Variants in DCDC1 observed in about 807,000 individuals in gnomAD.
DCDC1 encodes doublecortin domain-containing protein 1.
A neutral mutation model predicts 178.3 loss-of-function variants in DCDC1; 200 were observed. That is an observed-to-expected ratio of 1.12 (90% CI 1.00 to 1.26). The LOEUF (loss-of-function observed/expected upper bound fraction) is 1.26, where lower values mean the gene tolerates loss of function less well. Among genes scored for constraint, DCDC1 ranks in the 50% most tolerant of loss-of-function variants. DCDC1 has a pLI of 0.00. For missense variants in DCDC1, 1,983 were observed against 1,749.2 expected (o/e 1.13, Z -2.38); for synonymous variants, 690 against 604.8 (o/e 1.14, Z -2.07).
chr11:30,917,290 C>T (rs1217294267), intron 25 of DCDC1, among the ~76,000 whole-genome samples: 1 of 152,120 alleles, frequency 6.6e-6, no homozygotes, highest in Non-Finnish European at 1.5e-5. Context: ...AAAAATGGGA[C>T]TATGTATTGT....
At chr11:31,278,217 A>G (rs1565538169) in intron 7 of DCDC1, among the ~76,000 whole-genome samples, 2 of 152,076 alleles carry the variant, frequency 1.3e-5, no homozygotes, top group African/African-American at 4.8e-5. Context: ...TGAACTCTCC[A>G]TTTTGTTTCT....
At chr11:30,961,341 AG>A (rs1949084236) in intron 20 of DCDC1, among the ~76,000 whole-genome samples, 1 of 152,142 alleles carries the variant, frequency 6.6e-6, no homozygotes, top group African/African-American at 2.4e-5. Flanking sequence ...GTTTCCAATA[AG>A]GTAATGAACA....
At chr11:30,902,362 CTTGCTG>C (rs1565049465) in intron 32 of DCDC1, among the ~76,000 whole-genome samples, 1 of 152,130 alleles carries the variant, frequency 6.6e-6, no homozygotes, top group African/African-American at 2.4e-5. Context: ...CTACCAATGC[CTTGCTG>C]TTGGACTTCC....
At chr11:31,302,826 G>A (rs1377163712) in intron 6 of DCDC1, among the ~76,000 whole-genome samples, 1 of 149,268 alleles carries the variant, frequency 6.7e-6, no homozygotes, top group Admixed American at 6.7e-5. Context: ...TAGTAAATCT[G>A]GAAATCGTTC....
intron 24 of DCDC1, among the ~76,000 whole-genome samples, chr11:30,922,273 G>A (rs561734910): frequency 5.9e-5 from 9 of 152,330 alleles, no homozygotes; most frequent in Non-Finnish European, 1.2e-4. Flanking sequence ...AAGAAGGTCA[G>A]ATCTGTTAAT....
chr11:31,344,439 G>T (rs1950711876), intron 1 of DCDC1, among the ~76,000 whole-genome samples: 1 of 152,098 alleles, frequency 6.6e-6, no homozygotes, highest in Admixed American at 6.6e-5. Context: ...GTCCTTAGTG[G>T]TTGAGTCTGG....
At chr11:31,108,978 T>C (rs1331932571) in intron 12 of DCDC1, among the ~76,000 whole-genome samples, 1 of 152,150 alleles carries the variant, frequency 6.6e-6, no homozygotes, top group African/African-American at 2.4e-5. Flanking sequence ...TTGGGTGGTG[T>C]CACAAGGGCT....
chr11:31,326,426 T>C (rs991016031), intron 3 of DCDC1, among the ~76,000 whole-genome samples: 5 of 152,110 alleles, frequency 3.3e-5, no homozygotes, highest in African/African-American at 1.2e-4. Flanking sequence ...AAAAAGTGAA[T>C]GTATCACCAT....
intron 1 of DCDC1, among the ~76,000 whole-genome samples, chr11:31,351,065 CTT>C (rs1334327705): frequency 3.3e-5 from 5 of 151,906 alleles, no homozygotes; most frequent in African/African-American, 9.7e-5. Context: ...TCAAGATTGA[CTT>C]ATGAATTTTA....
intron 5 of DCDC1, 131 bp downstream of exon 5, chr11:31,306,101 C>T (rs946670473): frequency 1.7e-5 from 16 of 926,108 alleles, no homozygotes; most frequent in Admixed American, 7.5e-5. Context: ...ATGAAATCTA[C>T]GTATATATAA....
At chr11:31,283,201 T>A (rs1946572519) in intron 7 of DCDC1, among the ~76,000 whole-genome samples, 1 of 152,164 alleles carries the variant, frequency 6.6e-6, no homozygotes, top group Non-Finnish European at 1.5e-5. Flanking sequence ...CAATTATACG[T>A]CTATTAGACT....
chr11:30,969,448 T>C (rs1949657014), intron 20 of DCDC1, among the ~76,000 whole-genome samples: 1 of 152,142 alleles, frequency 6.6e-6, no homozygotes, highest in Non-Finnish European at 1.5e-5. Context: ...CCTCCAGAGG[T>C]AGTATGGCCC....
At chr11:31,180,257 G>A (rs1443195012) in intron 9 of DCDC1, among the ~76,000 whole-genome samples, 1 of 152,082 alleles carries the variant, frequency 6.6e-6, no homozygotes, top group Non-Finnish European at 1.5e-5. Context: ...GCAAAATATT[G>A]TATATTACAA....
chr11:31,100,592 C>G (rs201870972), intron 15 of DCDC1, among the ~76,000 whole-genome samples: 2 of 151,908 alleles, frequency 1.3e-5, no homozygotes, highest in Non-Finnish European at 2.9e-5. Flanking sequence ...ATATCCCAGG[C>G]AAAGAACAAT....
intron 9 of DCDC1, among the ~76,000 whole-genome samples, chr11:31,212,605 T>G (rs984065598): frequency 1.3e-5 from 2 of 152,074 alleles, no homozygotes; most frequent in Non-Finnish European, 2.9e-5. Context: ...ATTAACAGAT[T>G]TTTCAAATGA....
intron 24 of DCDC1, among the ~76,000 whole-genome samples, chr11:30,921,489 A>G (rs1590370108): frequency 1.3e-5 from 2 of 152,326 alleles, no homozygotes; most frequent in African/African-American, 2.4e-5. Flanking sequence ...AGTTTTTGAC[A>G]TTCAAACAGC....
chr11:31,250,755 AAT>A (rs1943968650), intron 8 of DCDC1, among the ~76,000 whole-genome samples: 1 of 136,496 alleles, frequency 7.3e-6, no homozygotes, highest in Non-Finnish European at 1.6e-5. Context: ...CAGCATCCCT[AAT>A]ATTTTTTTTT....
intron 6 of DCDC1, among the ~76,000 whole-genome samples, chr11:31,296,168 TG>T: frequency 6.6e-6 from 1 of 152,194 alleles, no homozygotes; most frequent in East Asian, 1.9e-4. Context: ...GTGTATCCTA[TG>T]TGCCAGATTC....
chr11:30,883,581 G>A (rs1395246263), intron 36 of DCDC1: 6 of 292,864 alleles, frequency 2.0e-5, no homozygotes, highest in Non-Finnish European at 4.3e-5. Flanking sequence ...AGCAAAAAGT[G>A]TGGATTTCAA....
Sources: allele counts gnomAD v4.1 joint callset (sites outside exome capture counted in the v4.1 genomes callset), GRCh38; gene constraint gnomAD v4.1.1; transcripts MANE v1.5; gene names NCBI Gene and HGNC (gene_info 2026-07-23, HGNC 2026-07-21).